ALK: variants seen among roughly 807,000 people sequenced by gnomAD.
ALK encodes the protein ALK receptor tyrosine kinase.
Under a neutral mutation model 163.1 loss-of-function variants are expected in ALK, and 74 were observed. The ratio of observed to expected loss-of-function variants is 0.45; its 90% confidence interval spans 0.38 to 0.55. The LOEUF (loss-of-function observed/expected upper bound fraction) is 0.55, where lower values mean the gene tolerates loss of function less well. ALK is among the 20% of genes least tolerant of loss of function. The pLI is 0.00. For missense variants in ALK, 2,063 were observed against 2,105.3 expected, an observed-to-expected ratio of 0.98 and a Z score of 0.39; for synonymous variants, 960 against 843.2, an observed-to-expected ratio of 1.14 and a Z score of -2.40.
intron 3 of ALK, among the ~76,000 whole-genome samples, chr2:29,613,878 A>G (rs1675765049): frequency 6.6e-6 from 1 of 152,160 alleles, no homozygotes. Flanking sequence ...CCTCTGGCTA[A>G]GTAGAGACAG....
intron 5 of ALK, among the ~76,000 whole-genome samples, chr2:29,349,450 C>G (rs907579046): frequency 2.0e-5 from 3 of 152,170 alleles, no homozygotes; most frequent in Non-Finnish European, 4.4e-5. Flanking sequence ...CATTGCTAGT[C>G]ACAGTGGGGA....
intron 8 of ALK, among the ~76,000 whole-genome samples, chr2:29,314,168 A>T (rs939969379): frequency 7.2e-5 from 11 of 152,126 alleles, no homozygotes; most frequent in African/African-American, 2.2e-4. Context: ...CAATTTACAG[A>T]AAAATTCCCT....
At chr2:29,816,124 G>A (rs1664890902) in intron 1 of ALK, among the ~76,000 whole-genome samples, 1 of 152,168 alleles carries the variant, frequency 6.6e-6, no homozygotes, top group Admixed American at 6.5e-5. Context: ...GGCTATTCGA[G>A]AAGATAAAGT....
intron 1 of ALK, among the ~76,000 whole-genome samples, chr2:29,756,282 G>C (rs146998118): frequency 1.3e-5 from 2 of 152,136 alleles, no homozygotes; most frequent in African/African-American, 4.8e-5. Flanking sequence ...ATGCTCTCAA[G>C]ACTCCCAGGA....
intron 5 of ALK, among the ~76,000 whole-genome samples, chr2:29,383,137 T>C: frequency 6.6e-6 from 1 of 152,130 alleles, no homozygotes; most frequent in East Asian, 1.9e-4. Context: ...CTTGGGCCCC[T>C]GATCCTCTCC....
At chr2:29,359,197 C>G (rs959225206) in intron 5 of ALK, among the ~76,000 whole-genome samples, 1 of 152,192 alleles carries the variant, frequency 6.6e-6, no homozygotes, top group African/African-American at 2.4e-5. Flanking sequence ...ACTAACACTG[C>G]AGCATCCACA....
intron 3 of ALK, among the ~76,000 whole-genome samples, chr2:29,602,237 T>TA (rs1289293125): frequency 1.3e-5 from 2 of 152,136 alleles, no homozygotes; most frequent in Non-Finnish European, 2.9e-5. Flanking sequence ...TGGTCACTCT[T>TA]ATGGCTCATT....
chr2:29,654,788 T>C (rs1677135174), intron 3 of ALK, among the ~76,000 whole-genome samples: 1 of 152,282 alleles, frequency 6.6e-6, no homozygotes, highest in South Asian at 2.1e-4. Context: ...TACACAATGA[T>C]AATGAAAATT....
At chr2:29,576,716 G>A (rs959976410) in intron 3 of ALK, among the ~76,000 whole-genome samples, 4 of 152,102 alleles carry the variant, frequency 2.6e-5, no homozygotes, top group African/African-American at 4.8e-5. Flanking sequence ...TCACATCACC[G>A]CCTGAGCTCC....
chr2:29,886,430 T>C (rs1191797702), intron 1 of ALK, among the ~76,000 whole-genome samples: 7 of 152,266 alleles, frequency 4.6e-5, no homozygotes, highest in Admixed American at 1.3e-4. Flanking sequence ...TGTAGTACCC[T>C]GGCCCTATAC....
intron 3 of ALK, among the ~76,000 whole-genome samples, chr2:29,616,423 T>A (rs1675848769): frequency 6.6e-6 from 1 of 152,164 alleles, no homozygotes; most frequent in Admixed American, 6.5e-5. Flanking sequence ...GGTTTTGAAC[T>A]TGCTTAGAGC....
chr2:29,502,689 T>A (rs1672218548), intron 4 of ALK, among the ~76,000 whole-genome samples: 1 of 133,298 alleles, frequency 7.5e-6, no homozygotes, highest in Admixed American at 7.0e-5. Context: ...GGGGCACATA[T>A]TTTTTTTTTA....
intron 1 of ALK, among the ~76,000 whole-genome samples, chr2:29,752,039 AGTCT>A (rs1161144833): frequency 1.3e-5 from 2 of 152,154 alleles, no homozygotes; most frequent in African/African-American, 4.8e-5. Context: ...ATCTAACCTG[AGTCT>A]GTCTGTCATC....
At chr2:29,696,932 A>ATAAAAT (rs1469184080) in intron 2 of ALK, among the ~76,000 whole-genome samples, 1 of 151,318 alleles carries the variant, frequency 6.6e-6, no homozygotes, top group Admixed American at 6.6e-5. Context: ...CCCTAAAAAA[A>ATAAAAT]AAAATAAAAT....
chr2:29,550,584 T>C (rs888934485), intron 3 of ALK, among the ~76,000 whole-genome samples: 16 of 152,194 alleles, frequency 1.1e-4, no homozygotes, highest in Non-Finnish European at 1.5e-4. Flanking sequence ...ATCTGAAAAT[T>C]TTCAACCAGA....
At chr2:29,202,737 G>T (rs1312393245) in intron 26 of ALK, among the ~76,000 whole-genome samples, 1 of 152,180 alleles carries the variant, frequency 6.6e-6, no homozygotes, top group Non-Finnish European at 1.5e-5. Flanking sequence ...TTATACTGCG[G>T]AATAGTTTTC....
chr2:29,323,586 C>A (rs530644686), intron 6 of ALK, among the ~76,000 whole-genome samples: 46 of 152,180 alleles, frequency 3.0e-4, no homozygotes, highest in Middle Eastern at 3.4e-3. Flanking sequence ...AATTAAAACC[C>A]CTAAGGGAGG....
intron 3 of ALK, among the ~76,000 whole-genome samples, chr2:29,647,775 C>CTTTTTTTTTTTTT (rs34620705): frequency 2.6e-5 from 3 of 117,206 alleles, no homozygotes; most frequent in African/African-American, 6.9e-5. Flanking sequence ...ATGATTTTTT[C>CTTTTTTTTTTTTT]TTTTTTTTTT....
intron 1 of ALK, among the ~76,000 whole-genome samples, chr2:29,779,348 T>G (rs961288439): frequency 6.6e-6 from 1 of 152,144 alleles, no homozygotes; most frequent in African/African-American, 2.4e-5. Flanking sequence ...GCTGTTATGG[T>G]GGGCACAGGC....
Sources: allele counts gnomAD v4.1 joint callset (sites outside exome capture counted in the v4.1 genomes callset), GRCh38; gene constraint gnomAD v4.1.1; transcripts MANE v1.5; gene names NCBI Gene and HGNC (gene_info 2026-07-23, HGNC 2026-07-21).